The following SETBP1 variants were observed in gnomAD, a reference collection of about 807,000 sequenced individuals.
SETBP1 encodes the protein SET-binding protein.
Under a neutral mutation model 101.0 loss-of-function variants are expected in SETBP1, and 9 were observed. The ratio of observed to expected loss-of-function variants is 0.09; its 90% CI spans 0.05 to 0.16. The LOEUF (loss-of-function observed/expected upper bound fraction) is 0.16. Ranked by LOEUF, SETBP1 falls within the 10% of genes least tolerant of loss-of-function variation. SETBP1 has a pLI of 1.00. For missense variants in SETBP1, 1,858 were observed against 2,033.8 expected, an observed-to-expected ratio of 0.91 and a Z score of 1.66; for synonymous variants, 818 against 788.5, an observed-to-expected ratio of 1.04 and a Z score of -0.63.
chr18:44,747,617 T>C (rs1002468618), intron 2 of SETBP1, among the ~76,000 whole-genome samples: 1 of 152,248 alleles, frequency 6.6e-6, no homozygotes, highest in African/African-American at 2.4e-5. Context: ...TCTGTCTGTT[T>C]CCTACATTTC....
chr18:44,922,507 A>G (rs1164826790), intron 3 of SETBP1, among the ~76,000 whole-genome samples: 4 of 152,152 alleles, frequency 2.6e-5, no homozygotes, highest in African/African-American at 9.7e-5. Flanking sequence ...TGGAATGTAA[A>G]GTGTTGGTGT....
In SETBP1 at chr18:45,068,142, TTGTA is replaced by T. The variant is rs1393101577; in HGVS notation, c.*4449_*4452del. The T allele has an allele frequency of 6.6e-6, 1 of 152,232 alleles. No individual in the cohort carries two copies. The highest frequency in any genetic ancestry group is 6.5e-5 in the Admixed American group (1 of 15,284). The allele number at this position is 152,232 out of a possible 1,614,324, so 9.4% of individuals were successfully genotyped here. A position where few individuals can be genotyped will look rare whatever the true frequency, so the allele number is the denominator to read the frequency against. The stretch of plus-strand genomic sequence containing the variant: ...GTGTAATTTGCATGTTCTACTTTGA[TTGTA>T]TGTAAACATATTTTAGAACAAAAAA... On this transcript the variant is annotated 3_prime_UTR_variant, in exon 6 of 6. Transcript: ENST00000649279.
chr18:44,736,257 T>G (rs1050047027), intron 2 of SETBP1, among the ~76,000 whole-genome samples: 3 of 152,150 alleles, frequency 2.0e-5, no homozygotes, highest in Admixed American at 2.0e-4. Context: ...TGCACGTCTG[T>G]CATCCCAGCT....
chr18:44,904,330 A>G (rs2070122526), intron 3 of SETBP1, among the ~76,000 whole-genome samples: 1 of 152,198 alleles, frequency 6.6e-6, no homozygotes, highest in Non-Finnish European at 1.5e-5. Context: ...TTGTTGCTCT[A>G]TGCCTGGGAG....
At chr18:44,895,315 A>G (rs1599289157) in intron 3 of SETBP1, among the ~76,000 whole-genome samples, 1 of 101,830 alleles carries the variant, frequency 9.8e-6, no homozygotes, top group Non-Finnish European at 1.9e-5. Flanking sequence ...GGAGAGAGGG[A>G]GTGAAGGAAG....
intron 2 of SETBP1, among the ~76,000 whole-genome samples, chr18:44,844,906 G>A (rs2072694984): frequency 6.6e-6 from 1 of 152,198 alleles, no homozygotes; most frequent in Non-Finnish European, 1.5e-5. Context: ...TCTAGGAAAA[G>A]TTTGCTTTCA....
chr18:44,951,482 T>C lies in SETBP1; in HGVS notation c.2142T>C (p.Asn714=), dbSNP rs111865740. ...AAAGCAAACTGGGCAAGCAGATTAA[T>C]GTCAGCAAGAGGGGAACCATCTACA... ...AIESKLGKQI[N]VSKRGTIYIG... is the part of the protein sequence containing the mutation. Residue 714 remains asparagine (N), a synonymous_variant, in exon 4 of 6, where the codon AAT becomes AAC. Coordinates refer to ENST00000649279, the MANE Select transcript of SETBP1 (RefSeq NM_015559.3). The surrounding 1 kb of genome is among the most constrained non-coding windows in gnomAD (Gnocchi z 7.8). 6.2e-7 allele frequency: 1 copy of C among 1,614,010 alleles called. No homozygotes were observed. The highest frequency in any genetic ancestry group is 8.5e-7 in the Non-Finnish European group (1 of 1,180,014).
chr18:44,686,119 G>A (rs536829423), intron 1 of SETBP1, among the ~76,000 whole-genome samples: 1 of 152,356 alleles, frequency 6.6e-6, no homozygotes, highest in African/African-American at 2.4e-5. Context: ...AGAACTAATA[G>A]CAGCGTTGCC....
chr18:44,943,089 T>C (rs1031234999), intron 3 of SETBP1, among the ~76,000 whole-genome samples: 1 of 152,184 alleles, frequency 6.6e-6, no homozygotes, highest in African/African-American at 2.4e-5. Context: ...TTCTCACAAC[T>C]ACCAGTAGCA....
At chr18:44,829,290 A>G (rs2072306819) in intron 2 of SETBP1, among the ~76,000 whole-genome samples, 3 of 152,298 alleles carry the variant, frequency 2.0e-5, no homozygotes, top group South Asian at 4.1e-4. Context: ...CATCGTATAC[A>G]TGTTACTGAT....
At chr18:44,997,298 G>A (rs770030149) in intron 4 of SETBP1, among the ~76,000 whole-genome samples, 18 of 152,114 alleles carry the variant, frequency 1.2e-4, no homozygotes, top group Admixed American at 8.5e-4. Flanking sequence ...CTGCCATCTC[G>A]GGACTGCACT....
intron 2 of SETBP1, among the ~76,000 whole-genome samples, chr18:44,854,581 AC>A (rs2072935341): frequency 6.6e-6 from 1 of 152,056 alleles, no homozygotes; most frequent in Non-Finnish European, 1.5e-5. Flanking sequence ...CCTACCACCT[AC>A]CCACTCCAAT....
At chr18:44,747,130 A>G (rs1043014181) in intron 2 of SETBP1, among the ~76,000 whole-genome samples, 2 of 152,216 alleles carry the variant, frequency 1.3e-5, no homozygotes, top group South Asian at 2.1e-4. Context: ...TCCAGCATCA[A>G]TCATATCTAC....
chr18:44,991,105 G>GGT (rs1052453061), intron 4 of SETBP1, among the ~76,000 whole-genome samples: 1 of 151,356 alleles, frequency 6.6e-6, no homozygotes, highest in Admixed American at 6.6e-5. Flanking sequence ...AGCTGAGAGT[G>GGT]GTAGCACGTG....
intron 2 of SETBP1, among the ~76,000 whole-genome samples, chr18:44,768,281 T>G (rs1045858906): frequency 6.6e-6 from 1 of 152,236 alleles, no homozygotes; most frequent in Non-Finnish European, 1.5e-5. Flanking sequence ...TTTTCATTTA[T>G]GTTACATATT....
intron 2 of SETBP1, among the ~76,000 whole-genome samples, chr18:44,815,894 G>A (rs2071964627): frequency 6.6e-6 from 1 of 152,180 alleles, no homozygotes; most frequent in Non-Finnish European, 1.5e-5. Context: ...GCTTGAAAGA[G>A]ATGATCTTGG....
intron 2 of SETBP1, among the ~76,000 whole-genome samples, chr18:44,785,063 T>C (rs1285541288): frequency 2.6e-5 from 4 of 152,220 alleles, no homozygotes; most frequent in Admixed American, 1.3e-4. Flanking sequence ...TCATCCCATA[T>C]TTGTTTAATT....
chr18:44,743,711 TCTA>T, intron 2 of SETBP1, among the ~76,000 whole-genome samples: 1 of 152,356 alleles, frequency 6.6e-6, no homozygotes, highest in East Asian at 1.9e-4. Flanking sequence ...CCTCTTTTTT[TCTA>T]CTAGTTGTCT....
chr18:44,860,827 G>A (rs773087037), intron 2 of SETBP1, among the ~76,000 whole-genome samples: 7 of 152,064 alleles, frequency 4.6e-5, no homozygotes, highest in East Asian at 3.9e-4. Flanking sequence ...AAGGCAGTAC[G>A]GTCTTAAAAT....
Sources: allele counts gnomAD v4.1 joint callset (sites outside exome capture counted in the v4.1 genomes callset), GRCh38; gene constraint gnomAD v4.1.1; non-coding constraint Gnocchi (gnomAD v3.1); transcripts MANE v1.5; gene names NCBI Gene and HGNC (gene_info 2026-07-23, HGNC 2026-07-21).